Variants in OIT3 observed in about 807,000 individuals in gnomAD.
OIT3 encodes the protein oncoprotein-induced transcript 3 protein.
Under a neutral mutation model 52.2 loss-of-function variants are expected in OIT3, and 41 were observed. That is an observed-to-expected ratio of 0.79 (90% confidence interval 0.61 to 1.02). The LOEUF (loss-of-function observed/expected upper bound fraction) is 1.02, where lower values mean the gene tolerates loss of function less well. Among genes scored for constraint, OIT3 ranks in the 50% least tolerant of loss-of-function variants. The pLI, the probability that OIT3 is intolerant of heterozygous loss-of-function variation, is 0.00. For synonymous variants in OIT3, 244 were observed against 276.9 expected (o/e 0.88, Z 1.18); for missense variants, 634 against 715.5 (o/e 0.89, Z 1.30).
chr10:72,926,326 G>T (rs1846169717), intron 7 of OIT3, among the ~76,000 whole-genome samples: 2 of 152,146 alleles, frequency 1.3e-5, no homozygotes, highest in South Asian at 4.1e-4. Flanking sequence ...ATATACATAG[G>T]ATCAACTGAG....
chr10:72,901,110 G>A (rs1266057029), intron 3 of OIT3, among the ~76,000 whole-genome samples: 1 of 151,760 alleles, frequency 6.6e-6, no homozygotes, highest in African/African-American at 2.4e-5. Context: ...ATATATCAAA[G>A]TGAAAATATT....
chr10:72,896,665 A>G (rs1388491631), intron 1 of OIT3, among the ~76,000 whole-genome samples: 1 of 152,236 alleles, frequency 6.6e-6, no homozygotes, highest in Non-Finnish European at 1.5e-5. Context: ...TAGATTGGAA[A>G]AATCTAAAGT....
chr10:72,926,841 C>G (rs1362142856), intron 7 of OIT3, among the ~76,000 whole-genome samples: 1 of 151,888 alleles, frequency 6.6e-6, no homozygotes, highest in Non-Finnish European at 1.5e-5. Flanking sequence ...TTCCTTTTTA[C>G]TTTTTTTAAA....
Position 72,898,928 on chromosome 10 carries a change from A to G in OIT3, c.326A>G (p.Asn109Ser), listed in dbSNP as rs758617355. The G allele has an allele frequency of 6.0e-5, 97 of 1,614,086 alleles. No homozygotes were observed. The highest frequency in any genetic ancestry group is 1.8e-4 in the Admixed American group (11 of 60,004). ...IVQRQACASF[N>S]GNCCLWNTTV... ...CAACGCCAGGCTTGTGCCAGCTTCA[A>G]TGGGAACTGCTGTCTCTGGAACACC... Residue 109 changes from asparagine to serine, a missense_variant, in exon 2 of 9, where the codon AAT becomes AGT. Asn to Ser is a conservative substitution (Grantham distance 46). Coordinates refer to ENST00000334011, the MANE Select transcript of OIT3 (RefSeq NM_152635.3).
intron 4 of OIT3, among the ~76,000 whole-genome samples, chr10:72,911,325 A>G (rs751059192): frequency 1.8e-4 from 27 of 152,192 alleles, no homozygotes; most frequent in Non-Finnish European, 2.9e-4. Context: ...TTCATATTCC[A>G]TCAGTCTCTT....
At chr10:72,925,115 C>CAAAAAAAAA (rs751143274) in intron 7 of OIT3, among the ~76,000 whole-genome samples, 5 of 38,014 alleles carry the variant, frequency 1.3e-4, no homozygotes, top group East Asian at 8.0e-4. Context: ...CCTAAAATCT[C>CAAAAAAAAA]AAAAAAAAAA....
intron 7 of OIT3, among the ~76,000 whole-genome samples, chr10:72,927,692 C>A (rs1258366618): frequency 6.6e-6 from 1 of 152,132 alleles, no homozygotes; most frequent in Non-Finnish European, 1.5e-5. Flanking sequence ...TGACCTCAGC[C>A]CCCTCGAGTT....
At chr10:72,929,129 GA>G (rs1403172265) in intron 7 of OIT3, among the ~76,000 whole-genome samples, 1 of 152,028 alleles carries the variant, frequency 6.6e-6, no homozygotes, top group Non-Finnish European at 1.5e-5. Context: ...TTGAGTTTAG[GA>G]GGTCGAAGCT....
chr10:72,932,166 C>T (rs1329221521), intron 8 of OIT3, among the ~76,000 whole-genome samples, 188 bp from the exon 9 acceptor site: 3 of 152,084 alleles, frequency 2.0e-5, no homozygotes, highest in Non-Finnish European at 4.4e-5. Flanking sequence ...TAAATGTGTA[C>T]ATTTGGGCAA....
intron 7 of OIT3, among the ~76,000 whole-genome samples, chr10:72,927,842 G>A (rs1021052810): frequency 6.6e-6 from 1 of 151,984 alleles, no homozygotes; most frequent in African/African-American, 2.4e-5. Flanking sequence ...CTGGTTCTTC[G>A]AGATTCATGG....
At chr10:72,900,697 G>A (rs1476147221) in intron 3 of OIT3, among the ~76,000 whole-genome samples, 1 of 152,186 alleles carries the variant, frequency 6.6e-6, no homozygotes, top group East Asian at 1.9e-4. Flanking sequence ...CACTAGGGTA[G>A]CCACAGATGG....
chr10:72,899,723 AG>A (rs1845913130), intron 2 of OIT3, among the ~76,000 whole-genome samples: 1 of 149,604 alleles, frequency 6.7e-6, no homozygotes, highest in Admixed American at 6.6e-5. Flanking sequence ...ATAGATAGAT[AG>A]ATAGATAGAT....
chr10:72,901,343 G>C (rs1214116457), intron 3 of OIT3, among the ~76,000 whole-genome samples: 1 of 152,170 alleles, frequency 6.6e-6, no homozygotes, highest in Non-Finnish European at 1.5e-5. Context: ...GAGTCAGATT[G>C]TCTGTAGGAA....
chr10:72,908,407 C>T (rs1032834509), intron 4 of OIT3, among the ~76,000 whole-genome samples: 2 of 152,058 alleles, frequency 1.3e-5, no homozygotes, highest in Non-Finnish European at 2.9e-5. Flanking sequence ...GTACTGGTTA[C>T]AAAAGTTCAC....
At chr10:72,915,906 T>C (rs1300351130) in intron 6 of OIT3, among the ~76,000 whole-genome samples, 2 of 152,172 alleles carry the variant, frequency 1.3e-5, no homozygotes, top group African/African-American at 4.8e-5. Context: ...GGGTTATACA[T>C]AAATATTAGC....
chr10:72,915,050 G>A (rs1846061805), intron 6 of OIT3, among the ~76,000 whole-genome samples: 1 of 152,100 alleles, frequency 6.6e-6, no homozygotes, highest in Admixed American at 6.6e-5. Context: ...ATCTTTAGTA[G>A]AGACGGGGTT....
At chr10:72,923,328 T>G (rs1362330841) in intron 6 of OIT3, among the ~76,000 whole-genome samples, 2 of 152,258 alleles carry the variant, frequency 1.3e-5, no homozygotes, top group African/African-American at 4.8e-5. Context: ...AGCCTGGCCC[T>G]TCCTCTGAGA....
chr10:72,898,138 T>G (rs994350442), intron 1 of OIT3, among the ~76,000 whole-genome samples: 27 of 139,252 alleles, frequency 1.9e-4, no homozygotes, highest in Admixed American at 6.9e-4. Context: ...AAAAAAAAAA[T>G]TAGCCAGGTG....
chr10:72,895,397 C>T (rs1845866857), intron 1 of OIT3, among the ~76,000 whole-genome samples: 1 of 152,108 alleles, frequency 6.6e-6, no homozygotes, highest in Non-Finnish European at 1.5e-5. Context: ...TCCTCCAACC[C>T]CCAGCTCCTC....
Sources: allele counts gnomAD v4.1 joint callset (sites outside exome capture counted in the v4.1 genomes callset), GRCh38; gene constraint gnomAD v4.1.1; transcripts MANE v1.5; gene names NCBI Gene and HGNC (gene_info 2026-07-23, HGNC 2026-07-21).